EPB41L1: variants seen among roughly 807,000 people sequenced by gnomAD.
EPB41L1 encodes band 4.1-like protein 1.
Under a neutral mutation model 97.8 loss-of-function variants are expected in EPB41L1, and 29 were observed. That is an observed-to-expected ratio of 0.30 (90% CI 0.22 to 0.40). The LOEUF (loss-of-function observed/expected upper bound fraction) is 0.40, where lower values mean the gene tolerates loss of function less well. Ranked by LOEUF, EPB41L1 falls within the 10% of genes least tolerant of loss-of-function variation. EPB41L1 has a pLI of 1.00. For synonymous variants in EPB41L1, 383 were observed against 459.2 expected, an observed-to-expected ratio of 0.83 and a Z score of 2.12; for missense variants, 812 against 1,162.3, an observed-to-expected ratio of 0.70 and a Z score of 4.38.
In EPB41L1 at chr20:36,232,345, C is replaced by A; in HGVS notation, c.*3005C>A. The stretch of plus-strand genomic sequence containing the variant: ...GTTCTGGGTGACCATCCTGGCTCAG[C>A]TCCTAACTCACCATGTGACATCAGG... On this transcript the variant is annotated 3_prime_UTR_variant, in exon 22 of 22. Transcript: ENST00000338074. The A allele has an allele frequency of 2.9e-6, 1 of 342,198 alleles. No individual in the cohort carries two copies. Among genetic ancestry groups the A allele is most frequent in the Non-Finnish European group, 5.2e-6 (1 of 191,096 alleles). 21.2% of individuals were successfully genotyped at this position (342,198 alleles called of 1,614,324 possible).
chr20:36,175,375 C>T (rs550145655), intron 2 of EPB41L1, among the ~76,000 whole-genome samples, 176 bp from the exon 3 acceptor site: 1 of 152,194 alleles, frequency 6.6e-6, no homozygotes, highest in Non-Finnish European at 1.5e-5. Context: ...GAAGCCCTGG[C>T]TCTCCTCCTG....
chr20:36,223,288 C>T (rs866525582), intron 21 of EPB41L1, among the ~76,000 whole-genome samples: 5 of 152,226 alleles, frequency 3.3e-5, no homozygotes, highest in African/African-American at 1.2e-4. Flanking sequence ...CCTGCCTCAG[C>T]CTCCCAAAGT....
chr20:36,151,697 G>A (rs1431596945), upstream of EPB41L1: 1 of 152,274 alleles, frequency 6.6e-6, no homozygotes, highest in Non-Finnish European at 1.5e-5. Context: ...GATTTTTCTG[G>A]AAAGGGTTAT....
At chr20:36,229,299 C>G in intron 21 of EPB41L1, 33 bp from the exon 22 acceptor site, 1 of 1,573,952 alleles carries the variant, frequency 6.4e-7, no homozygotes, top group Non-Finnish European at 8.7e-7. Flanking sequence ...CCACTCCCCA[C>G]CCCCCATTCT....
chr20:36,132,724 G>C (rs770700288), intron 2 of EPB41L1, among the ~76,000 whole-genome samples: 7 of 151,862 alleles, frequency 4.6e-5, no homozygotes, highest in Non-Finnish European at 7.4e-5. Flanking sequence ...GGCCGGGGAG[G>C]GGTATGAGAG....
Position 36,206,280 on chromosome 20 carries a change from G to A in EPB41L1, c.1669-3208G>A. ...GTCAGCCGGAGGGCCAGACAGAGCT[G>A]AGGAAGGGGCTGGAGGAGCCTCACA... On this transcript the variant is annotated intron_variant, in intron 14 of 21. Transcript: ENST00000338074. This position sits in a 1 kb window ranked among gnomAD's most constrained non-coding sequence, Gnocchi z 5.5. 7.8e-7 allele frequency: 1 copy of A among 1,289,956 alleles called. No homozygotes were observed. Among genetic ancestry groups the A allele is most frequent in the Non-Finnish European group, 1.0e-6 (1 of 988,898 alleles). 79.9% of individuals were successfully genotyped at this position (1,289,956 alleles called of 1,614,324 possible).
intron 1 of EPB41L1, among the ~76,000 whole-genome samples, chr20:36,098,249 T>A (rs2147475271): frequency 6.6e-6 from 1 of 152,280 alleles, no homozygotes; most frequent in East Asian, 1.9e-4. Flanking sequence ...AGCTGCCTAA[T>A]GAGTGGGAAT....
intron 16 of EPB41L1, among the ~76,000 whole-genome samples, chr20:36,213,510 C>T (rs186620503): frequency 3.6e-3 from 544 of 152,150 alleles, no homozygotes; most frequent in Middle Eastern, 0.01. Flanking sequence ...TTTATGAGGC[C>T]GTCTACTACA....
At chr20:36,156,126 A>C (rs2060290468) in intron 1 of EPB41L1, among the ~76,000 whole-genome samples, 1 of 152,168 alleles carries the variant, frequency 6.6e-6, no homozygotes, top group Non-Finnish European at 1.5e-5. Flanking sequence ...CTCCCCTATG[A>C]GCCACCGTGG....
chr20:36,132,121 A>G (rs989801947), intron 2 of EPB41L1, among the ~76,000 whole-genome samples: 4 of 152,178 alleles, frequency 2.6e-5, no homozygotes, highest in African/African-American at 9.7e-5. Flanking sequence ...ACCCCTCCCT[A>G]GGTGACTGTG....
chr20:36,132,792 T>A (rs1395190074), intron 2 of EPB41L1, among the ~76,000 whole-genome samples: 1 of 152,130 alleles, frequency 6.6e-6, no homozygotes, highest in Non-Finnish European at 1.5e-5. Context: ...GTGTGATAAA[T>A]GTGTTCAGTG....
chr20:36,152,755 G>T (rs1004437275), upstream of EPB41L1: 11 of 338,804 alleles, frequency 3.2e-5, no homozygotes, highest in East Asian at 8.4e-4. Flanking sequence ...AGAGCACCTT[G>T]TGTGGCAAAG....
rs561571823 is a variant in EPB41L1, at chr20:36,225,644, C to T, written c.2637+3250C>T. ...TCACTTGCAAAATGAAGAGGTGGAG[C>T]GAGCCCCCTTCCAATTACAGTCCTC... On this transcript the variant is annotated intron_variant, in intron 21 of 21. Transcript: ENST00000338074. Among the ~76,000 whole-genome samples, 173 of 152,232 alleles carry T rather than the reference C, an allele frequency of 1.1e-3. 1 individual carries two copies. Among genetic ancestry groups the T allele is most frequent in the Non-Finnish European group, 2.2e-3 (148 of 68,004 alleles).
chr20:36,140,046 G>T lies in EPB41L1; in HGVS notation c.-10+27566G>T, dbSNP rs6060816. Among the ~76,000 whole-genome samples the T allele has an allele frequency of 9.6e-3, 1,239 of 128,886 alleles. 4 individuals carry two copies. Among genetic ancestry groups the T allele is most frequent in the Non-Finnish European group, 0.011 (667 of 60,068 alleles). 84.6% of individuals were successfully genotyped at this position (128,886 alleles called of 152,430 possible). A position where few individuals can be genotyped will look rare whatever the true frequency, so the allele number is the denominator to read the frequency against. ...TGCCCGGCCTAGGTGGTTTTTTTTTGTTGTTGTTGTTTGTTTGTTTGTTTT... is the reference window on the plus strand; with the variant it reads ...TGCCCGGCCTAGGTGGTTTTTTTTTTTTGTTGTTGTTTGTTTGTTTGTTTT... On this transcript the variant is annotated intron_variant, in intron 2 of 19. Transcript: ENST00000202028.
At chr20:36,214,562 C>A in intron 17 of EPB41L1, 122 bp downstream of exon 17, 1 of 790,522 alleles carries the variant, frequency 1.3e-6, no homozygotes, top group Non-Finnish European at 2.1e-6. Context: ...CTGCATCAGG[C>A]ATGGGACATA....
chr20:36,215,495 A>G (rs2063389960), intron 17 of EPB41L1, among the ~76,000 whole-genome samples: 1 of 152,208 alleles, frequency 6.6e-6, no homozygotes, highest in Non-Finnish European at 1.5e-5. Context: ...AGGTAATTCC[A>G]TCAATCTAGA....
chr20:36,177,500 G>C (rs1042767579), intron 3 of EPB41L1, among the ~76,000 whole-genome samples: 15 of 152,162 alleles, frequency 9.9e-5, no homozygotes, highest in African/African-American at 2.9e-4. Context: ...GGGTCACACT[G>C]TGACCCTGAG....
In EPB41L1 at chr20:36,144,178, G is replaced by A. The variant is rs553533162; in HGVS notation, c.-9-31373G>A. On this transcript the variant is annotated intron_variant, in intron 2 of 19. Transcript: ENST00000202028. ...CCCTAAAAGGTTTAGAACTGCGCTA[G>A]TCCAACCCCCTCATATTACAGGTAA... Among the ~76,000 whole-genome samples, 37 of 152,174 alleles carry A rather than the reference G, an allele frequency of 2.4e-4. No homozygotes were observed. In the South Asian group the frequency reaches 5.8e-3, roughly 24 times the overall value.
At chr20:36,142,648 T>C (rs544952643) in intron 2 of EPB41L1, among the ~76,000 whole-genome samples, 29 of 152,306 alleles carry the variant, frequency 1.9e-4, no homozygotes, top group African/African-American at 6.7e-4. Context: ...GAGGCATCAA[T>C]AGCCACTCTA....
Sources: gnomAD v4.1 joint callset for allele counts (sites outside exome capture counted in the v4.1 genomes callset) on GRCh38, gnomAD v4.1.1 for gene constraint, Gnocchi (gnomAD v3.1) non-coding constraint, MANE v1.5 for transcripts, NCBI Gene and HGNC (gene_info 2026-07-23, HGNC 2026-07-21) for gene names.